RYR3: variants seen among roughly 807,000 people sequenced by gnomAD.
The protein encoded by RYR3 is ryanodine receptor 3.
Under a neutral mutation model 584.3 loss-of-function variants are expected in RYR3, and 207 were observed. That is an observed-to-expected ratio of 0.35 (90% CI 0.32 to 0.40). The LOEUF is 0.40. RYR3 is among the 10% of genes least tolerant of loss of function. RYR3 has a pLI of 1.00. For synonymous variants in RYR3, 2,416 were observed against 2,248.5 expected, an observed-to-expected ratio of 1.07 and a Z score of -2.11; for missense variants, 5,616 against 6,089.2, an observed-to-expected ratio of 0.92 and a Z score of 2.59.
chr15:33,752,690 A>G (rs1310988175), intron 57 of RYR3, among the ~76,000 whole-genome samples: 2 of 152,140 alleles, frequency 1.3e-5, no homozygotes, highest in African/African-American at 4.8e-5. Context: ...AGACAATTTG[A>G]CTTCCTCTTT....
At chr15:33,796,124 GTTTTGT>G (rs71117180) in intron 67 of RYR3, among the ~76,000 whole-genome samples, 12 of 151,138 alleles carry the variant, frequency 7.9e-5, no homozygotes, top group African/African-American at 2.7e-4. Context: ...GTTTTGTTTT[GTTTTGT>G]TTTTGTTTTT....
chr15:33,703,122 T>C (rs1238934388), intron 42 of RYR3, among the ~76,000 whole-genome samples: 1 of 152,176 alleles, frequency 6.6e-6, no homozygotes, highest in Non-Finnish European at 1.5e-5. Flanking sequence ...ATGTCTGATC[T>C]ATTAAGATGA....
rs1555427017 is a variant in RYR3 at position 33,725,180 on chromosome 15, C to CACACACACACACACACATAT, written c.6912+1021_6912+1022insTATACACACACACACACACA. Among the ~76,000 whole-genome samples the CACACACACACACACACATAT allele has an allele frequency of 8.3e-5, 12 of 143,792 alleles. 1 individual carries two copies. In the East Asian group the frequency reaches 9.2e-4, roughly 11 times the overall value. 94.3% of individuals were successfully genotyped at this position (143,792 alleles called of 152,430 possible). ...ACACACACACACACACACACACACA[C>CACACACACACACACACATAT]ACACACACACACACACACACACATA... On this transcript the variant is annotated intron_variant, in intron 45 of 103. Transcript: ENST00000634891.
chr15:33,540,168 A>G (rs1020156453), intron 6 of RYR3, among the ~76,000 whole-genome samples: 3 of 152,172 alleles, frequency 2.0e-5, no homozygotes, highest in Admixed American at 2.0e-4. Flanking sequence ...ATTATTCTGA[A>G]TTTATTACGT....
intron 19 of RYR3, among the ~76,000 whole-genome samples, chr15:33,613,736 C>T (rs1348760333): frequency 1.3e-5 from 2 of 152,184 alleles, no homozygotes; most frequent in African/African-American, 4.8e-5. Flanking sequence ...GCTATAATCT[C>T]TATTAATACT....
intron 98 of RYR3, chr15:33,856,512 C>G (rs1003612848): frequency 6.6e-6 from 1 of 152,278 alleles, no homozygotes; most frequent in African/African-American, 2.4e-5. Flanking sequence ...GCAGAATTCT[C>G]TGTAATAAAA....
Position 33,581,558 on chromosome 15 carries a change from T to C in RYR3, c.1488T>C (p.Asn496=), listed in dbSNP as rs774555616. 1.2e-6 allele frequency: 2 copies of C among 1,613,378 alleles called. No individual in the cohort carries two copies. Among genetic ancestry groups the C allele is most frequent in the Non-Finnish European group, 1.7e-6 (2 of 1,179,354 alleles). The change falls in exon 14 of 104, where the codon AAT becomes AAC. Residue 496 remains asparagine (N), a synonymous_variant. Coordinates refer to ENST00000634891, the MANE Select transcript of RYR3 (RefSeq NM_001036.6). ...GCATTGACCGCTTAAATGTCTACAA[T>C]AGCGTAGCACACTTTGCAGGGATTG... is the stretch of plus-strand genomic sequence containing the variant. ...LNCIDRLNVY[N]SVAHFAGIAR...
chr15:33,563,600 C>G (rs2057534930), intron 11 of RYR3, among the ~76,000 whole-genome samples: 1 of 152,016 alleles, frequency 6.6e-6, no homozygotes, highest in African/African-American at 2.4e-5. Flanking sequence ...TTGGTGGGAA[C>G]CAAATAATGG....
chr15:33,472,660 G>C (rs919931830), intron 1 of RYR3, among the ~76,000 whole-genome samples: 2 of 152,230 alleles, frequency 1.3e-5, no homozygotes, highest in African/African-American at 4.8e-5. Flanking sequence ...AGGGAGGGTT[G>C]TGCAAGAAAA....
chr15:33,814,850 G>T (rs2076725130), intron 74 of RYR3, among the ~76,000 whole-genome samples: 1 of 145,162 alleles, frequency 6.9e-6, no homozygotes, highest in Non-Finnish European at 1.5e-5. Flanking sequence ...ACAGTGAGCT[G>T]AGATCACGCT....
intron 4 of RYR3, 70 bp downstream of exon 4, chr15:33,530,736 A>G: frequency 8.8e-7 from 1 of 1,134,278 alleles, no homozygotes; most frequent in Non-Finnish European, 1.3e-6. Context: ...AAATACAGGA[A>G]GCCAGCAATA....
intron 19 of RYR3, among the ~76,000 whole-genome samples, chr15:33,619,229 T>C (rs1006575783): frequency 6.6e-6 from 1 of 152,216 alleles, no homozygotes; most frequent in African/African-American, 2.4e-5. Context: ...ACGGATTAAA[T>C]AGATTAATGA....
At chr15:33,515,532 C>A (rs1040078391) in intron 3 of RYR3, among the ~76,000 whole-genome samples, 1 of 152,230 alleles carries the variant, frequency 6.6e-6, no homozygotes, top group South Asian at 2.1e-4. Context: ...TCAGTCTTTC[C>A]TATGGCACAA....
chr15:33,690,981 C>T (rs2065384777), intron 38 of RYR3, among the ~76,000 whole-genome samples: 2 of 152,026 alleles, frequency 1.3e-5, no homozygotes, highest in Admixed American at 6.6e-5. Flanking sequence ...TAATTGAAGG[C>T]AGCTGGATTC....
chr15:33,748,622 T>A, intron 55 of RYR3, 92 bp downstream of exon 55: 1 of 1,057,548 alleles, frequency 9.5e-7, no homozygotes. Context: ...AAAGAATGCC[T>A]AGAACATATC....
rs186005026 is a variant in RYR3, at chr15:33,646,219, G to A, written c.3766-132G>A. On this transcript the variant is annotated intron_variant, in intron 28 of 103. Coordinates refer to ENST00000634891, the MANE Select transcript of RYR3 (RefSeq NM_001036.6). ...AAGTAATGATGAGAATCATAGTTTG[G>A]TTATCACTGGACACAACTTACTTCT... 3.6e-5 allele frequency: 25 copies of A among 694,198 alleles called. No homozygotes were observed. The East Asian group carries it at 5.4e-4, about 15-fold the overall frequency. 43.0% of individuals were successfully genotyped at this position (694,198 alleles called of 1,614,324 possible).
chr15:33,854,766 T>A lies in RYR3; in HGVS notation c.13861T>A (p.Ser4621Thr). The A allele has an allele frequency of 6.2e-7, 1 of 1,601,044 alleles. No individual in the cohort carries two copies. The highest frequency in any genetic ancestry group is 8.5e-7 in the Non-Finnish European group (1 of 1,176,150). The change falls in exon 98 of 104, where the codon TCC becomes ACC. Residue 4621 changes from serine (S) to threonine (T), a missense_variant and splice_region_variant. Ser to Thr is a moderately conservative substitution (Grantham distance 58). Around this residue, in one of 9 missense-constraint regions of RYR3, gnomAD observed 918 missense variants for 887.4 expected, o/e 1.03. Coordinates refer to ENST00000634891, the MANE Select transcript of RYR3 (RefSeq NM_001036.6). ...WKLGVVFTDNSFLYLAWYTTM... is the reference protein window; with the variant it reads ...WKLGVVFTDNTFLYLAWYTTM... ...AAAGTCTGCTTTCTTCCATTCCCAG[T>A]CCTTTCTCTACCTTGCCTGGTATAC...
At position 33,336,499 on chromosome 15, in the gene RYR3, A is replaced by AGGG. The variant is rs1375548082; in HGVS notation, c.51+25403_51+25404insGGG. On this transcript the variant is annotated intron_variant, in intron 1 of 103. Coordinates refer to ENST00000634891, the MANE Select transcript of RYR3 (RefSeq NM_001036.6). ...GAGAGAGAGAGAGAAAGAAAGAAAG[A>AGGG]AAGAAGGAGGGAAGGAGGGAAGGAG... 4.9e-3 allele frequency among the ~76,000 whole-genome samples: 274 copies of AGGG among 55,722 alleles called. 26 individuals carry two copies. Among genetic ancestry groups the AGGG allele is most frequent in the Middle Eastern group, 0.016 (2 of 122 alleles). The allele number at this position is 55,722 out of a possible 152,430, so 36.6% of individuals were successfully genotyped here.
intron 11 of RYR3, among the ~76,000 whole-genome samples, chr15:33,565,409 G>A (rs1396228763): frequency 1.3e-5 from 2 of 152,078 alleles, no homozygotes; most frequent in African/African-American, 4.8e-5. Context: ...GTATATAGAT[G>A]GGATGCAAAG....
Sources: gnomAD v4.1 joint callset for allele counts (sites outside exome capture counted in the v4.1 genomes callset) on GRCh38, gnomAD v4.1.1 for gene constraint, gnomAD v4.1.1 regional missense constraint, MANE v1.5 for transcripts, NCBI Gene and HGNC (gene_info 2026-07-23, HGNC 2026-07-21) for gene names.